The following GAD2 variants were observed in gnomAD, a reference collection of about 807,000 sequenced individuals.
GAD2 encodes glutamate decarboxylase 2, also known as 65 kDa glutamic acid decarboxylase.
GAD2 carries 22 observed loss-of-function variants against 80.1 expected under a neutral mutation model. The observed-to-expected ratio is 0.27, with a 90% confidence interval of 0.20 to 0.39. GAD2 has a LOEUF of 0.39. Ranked by LOEUF, GAD2 falls within the 10% of genes least tolerant of loss-of-function variation. The pLI, the probability that GAD2 is intolerant of heterozygous loss-of-function variation, is 1.00. For synonymous variants in GAD2, 274 were observed against 256.9 expected, an observed-to-expected ratio of 1.07 and a Z score of -0.64; for missense variants, 624 against 738.4, an observed-to-expected ratio of 0.85 and a Z score of 1.80.
At chr10:26,276,161 C>A (rs1379406675) in intron 11 of GAD2, among the ~76,000 whole-genome samples, 1 of 150,600 alleles carries the variant, frequency 6.6e-6, no homozygotes, top group Non-Finnish European at 1.5e-5. Context: ...GACCCCATCT[C>A]TAAAAAAATA....
chr10:26,297,048 G>T (rs932753367), intron 15 of GAD2, among the ~76,000 whole-genome samples: 8 of 152,008 alleles, frequency 5.3e-5, no homozygotes, highest in Non-Finnish European at 1.0e-4. Flanking sequence ...CCGAGTAGCT[G>T]GGATTACAGG....
intron 15 of GAD2, among the ~76,000 whole-genome samples, chr10:26,293,491 A>G (rs1369185246): frequency 6.6e-6 from 1 of 152,156 alleles, no homozygotes; most frequent in East Asian, 1.9e-4. Context: ...GCAGACTTTT[A>G]ACAACTCTAT....
At chr10:26,245,625 A>G (rs1416444672) in intron 7 of GAD2, among the ~76,000 whole-genome samples, 2 of 151,838 alleles carry the variant, frequency 1.3e-5, no homozygotes, top group African/African-American at 2.4e-5. Context: ...TGTATTTTCA[A>G]TAGAGACTGG....
In GAD2 at chr10:26,219,214, C is replaced by T. The variant is rs2839672; in HGVS notation, c.458C>T (p.Pro153Leu). The T allele has an allele frequency of 6.2e-7, 1 of 1,613,750 alleles. No homozygotes were observed. Among genetic ancestry groups the T allele is most frequent in the Non-Finnish European group, 8.5e-7 (1 of 1,179,852 alleles). ...QEYNWELADQ[P>L]QNLEEILMHC... Reference sequence around the variant, plus strand: ...TATAATTGGGAATTGGCAGACCAACCACAAAATTTGGAGGAAATTTTGATG... The same window carrying T: ...TATAATTGGGAATTGGCAGACCAACTACAAAATTTGGAGGAAATTTTGATG... The change falls in exon 4 of 16, where the codon CCA becomes CTA. Residue 153 changes from proline (P) to leucine (L), a missense_variant. Pro to Leu is a moderately conservative substitution (Grantham distance 98, BLOSUM62 -3). Coordinates refer to ENST00000376261, the MANE Select transcript of GAD2 (RefSeq NM_001134366.2).
At chr10:26,287,228 G>A (rs886532508) in intron 13 of GAD2, among the ~76,000 whole-genome samples, 6 of 152,064 alleles carry the variant, frequency 3.9e-5, no homozygotes, top group Non-Finnish European at 5.9e-5. Flanking sequence ...CTGCCCATCC[G>A]GCTTCATTTG....
intron 8 of GAD2, among the ~76,000 whole-genome samples, chr10:26,253,127 TA>T (rs562342382): frequency 2.9e-4 from 44 of 152,296 alleles, no homozygotes; most frequent in South Asian, 1.7e-3. Context: ...TAAATATACT[TA>T]AAAAATGGAA....
intron 12 of GAD2, among the ~76,000 whole-genome samples, chr10:26,282,312 A>C (rs915238474): frequency 2.6e-5 from 4 of 152,240 alleles, no homozygotes; most frequent in Non-Finnish European, 5.9e-5. Context: ...ACATTATTTT[A>C]GAAAGTTGAG....
At chr10:26,218,150 G>GA in intron 3 of GAD2, 159 bp downstream of exon 3, 1 of 779,214 alleles carries the variant, frequency 1.3e-6, no homozygotes. Flanking sequence ...AGAAATGCGG[G>GA]ACCTGCCCGC....
chr10:26,266,342 A>G (rs368134294), intron 8 of GAD2, among the ~76,000 whole-genome samples: 5 of 152,332 alleles, frequency 3.3e-5, no homozygotes, highest in East Asian at 1.9e-4. Context: ...CCGGGACTTC[A>G]ATGATTATTA....
rs999149663 is a variant in GAD2, at chr10:26,286,917, T to A, written c.1386+423T>A. Among the ~76,000 whole-genome samples the A allele has an allele frequency of 2.1e-4, 32 of 152,204 alleles. 1 individual carries two copies. Among genetic ancestry groups the A allele is most frequent in the African/African-American group, 7.7e-4 (32 of 41,446 alleles). On this transcript the variant is annotated intron_variant, in intron 13 of 15. Transcript: ENST00000376261. ...AAAAAGCCCACCATGATAGCTTATT[T>A]TTTGACATTTCAAGGGATAACCTCT...
At chr10:26,221,593 G>A (rs1844452720) in intron 4 of GAD2, among the ~76,000 whole-genome samples, 1 of 152,226 alleles carries the variant, frequency 6.6e-6, no homozygotes, top group Non-Finnish European at 1.5e-5. Flanking sequence ...TGTGAGTGTT[G>A]CCAGGACATA....
At chr10:26,240,672 C>A (rs1352337637) in intron 7 of GAD2, among the ~76,000 whole-genome samples, 1 of 150,158 alleles carries the variant, frequency 6.7e-6, no homozygotes, top group Non-Finnish European at 1.5e-5. Context: ...GCGGAGGTTG[C>A]AGTGAGCTAA....
intron 8 of GAD2, among the ~76,000 whole-genome samples, chr10:26,268,638 A>G (rs530489157): frequency 6.6e-6 from 1 of 152,268 alleles, no homozygotes; most frequent in East Asian, 1.9e-4. Context: ...TAGCACTTGG[A>G]ATGTCATTAG....
intron 9 of GAD2, 94 bp downstream of exon 9, chr10:26,269,267 C>A: frequency 2.0e-6 from 2 of 1,019,322 alleles, no homozygotes; most frequent in South Asian, 1.7e-5. Flanking sequence ...AAAAGAGGAT[C>A]CAAGCCTCAA....
chr10:26,285,001 T>G (rs4747548), intron 12 of GAD2, among the ~76,000 whole-genome samples: 34,196 of 152,108 alleles, frequency 0.22, 4,195 homozygotes, highest in African/African-American at 0.32. Context: ...GGTGTGAGCT[T>G]GCATGGCCTG....
At chr10:26,241,240 G>A (rs1273644436) in intron 7 of GAD2, among the ~76,000 whole-genome samples, 2 of 152,128 alleles carry the variant, frequency 1.3e-5, no homozygotes, top group African/African-American at 4.8e-5. Context: ...AGGGGACGAG[G>A]GTATTCTCAT....
chr10:26,246,617 T>G (rs1184542377), intron 8 of GAD2, among the ~76,000 whole-genome samples: 2 of 152,252 alleles, frequency 1.3e-5, no homozygotes. Context: ...ATTAAGAATT[T>G]TCATTAAATT....
At chr10:26,284,949 C>T (rs1845315578) in intron 12 of GAD2, among the ~76,000 whole-genome samples, 1 of 152,078 alleles carries the variant, frequency 6.6e-6, no homozygotes. Flanking sequence ...TTCAGCATTC[C>T]ACACTCTCTG....
chr10:26,249,748 G>T (rs1209616025), intron 8 of GAD2, among the ~76,000 whole-genome samples: 1 of 152,244 alleles, frequency 6.6e-6, no homozygotes, highest in Non-Finnish European at 1.5e-5. Context: ...ATGGGAACAA[G>T]GGGCCTGCCT....
Sources: allele counts gnomAD v4.1 joint callset (sites outside exome capture counted in the v4.1 genomes callset), GRCh38; gene constraint gnomAD v4.1.1; transcripts MANE v1.5; gene names NCBI Gene and HGNC (gene_info 2026-07-23, HGNC 2026-07-21).